Variants in CAMSAP2 observed in about 807,000 individuals in gnomAD.
The protein encoded by CAMSAP2 is calmodulin-regulated spectrin-associated protein 2.
A neutral mutation model predicts 146.1 loss-of-function variants in CAMSAP2; 26 were observed. The observed-to-expected ratio is 0.18, with a 90% CI of 0.13 to 0.25. The LOEUF is 0.25. Ranked by LOEUF, CAMSAP2 falls within the 10% of genes least tolerant of loss-of-function variation. CAMSAP2 has a pLI of 1.00. For synonymous variants in CAMSAP2, 499 were observed against 596.6 expected (o/e 0.84, Z 2.38); for missense variants, 1,381 against 1,759.3 (o/e 0.78, Z 3.85).
chr1:200,767,603 C>G (rs978995466), intron 2 of CAMSAP2, among the ~76,000 whole-genome samples: 1 of 151,282 alleles, frequency 6.6e-6, no homozygotes, highest in African/African-American at 2.4e-5. Flanking sequence ...AAAAAAAATC[C>G]TTTCCCTGTT....
intron 13 of CAMSAP2, 67 bp from the exon 14 acceptor site, chr1:200,854,750 T>C (rs1251860524): frequency 1.7e-6 from 2 of 1,150,558 alleles, no homozygotes; most frequent in African/African-American, 1.5e-5. Flanking sequence ...GACTCTTTGC[T>C]AGTTGCTCCT....
Position 200,848,748 on chromosome 1 carries a change from C to T in CAMSAP2, c.1979C>T (p.Ala660Val), listed in dbSNP as rs761280658. The change falls in exon 11 of 17, where the codon GCT becomes GTT. Residue 660 changes from alanine (A) to valine (V), a missense_variant. Around this residue, in one of 4 missense-constraint regions of CAMSAP2, gnomAD observed 447 missense variants for 462.2 expected, o/e 0.97. Transcript: ENST00000358823. ...YDIRTGNTRE[A>V]LSPCPSTVST... ...ATTCGAACTGGCAACACCAGGGAAGCTTTGAGTCCTTGTCCAAGTACTGTA... is the reference window on the plus strand; with the variant it reads ...ATTCGAACTGGCAACACCAGGGAAGTTTTGAGTCCTTGTCCAAGTACTGTA... The T allele has an allele frequency of 7.4e-6, 12 of 1,614,146 alleles. No homozygotes were observed. The highest frequency in any genetic ancestry group is 9.3e-6 in the Non-Finnish European group (11 of 1,179,980).
At chr1:200,811,031 C>G (rs543076303) in intron 3 of CAMSAP2, among the ~76,000 whole-genome samples, 1 of 152,354 alleles carries the variant, frequency 6.6e-6, no homozygotes, top group South Asian at 2.1e-4. Context: ...TCTTCTCTCT[C>G]TCTCCCATAC....
Position 200,857,498 on chromosome 1 carries a change from C to A in CAMSAP2, c.4131+74C>A. On this transcript the variant is annotated intron_variant, in intron 16 of 16. Transcript: ENST00000358823. This position sits in a 1 kb window ranked among gnomAD's most constrained non-coding sequence, Gnocchi z 4.7. ...TTATCCATTCAAGAGAATGTACTCT[C>A]ATGGGCCTAGACTTTCAACAGCATG... 9.8e-7 allele frequency: 1 copy of A among 1,023,698 alleles called. No individual in the cohort carries two copies. Among genetic ancestry groups the A allele is most frequent in the South Asian group, 1.3e-5 (1 of 75,834 alleles). 63.4% of individuals were successfully genotyped at this position (1,023,698 alleles called of 1,614,324 possible). A position where few individuals can be genotyped will look rare whatever the true frequency, so the allele number is the denominator to read the frequency against.
chr1:200,836,176 G>A (rs1289675907), intron 6 of CAMSAP2, among the ~76,000 whole-genome samples: 1 of 151,958 alleles, frequency 6.6e-6, no homozygotes, highest in African/African-American at 2.4e-5. Flanking sequence ...TGTCATGGGA[G>A]TTTGTGGTAC....
At position 200,848,068 on chromosome 1, in the gene CAMSAP2, T is replaced by G; in HGVS notation, c.1299T>G (p.Phe433Leu). Residue 433 changes from phenylalanine to leucine, a missense_variant, in exon 11 of 17, where the codon TTT becomes TTG. Physicochemically the swap from Phe to Leu is conservative, Grantham distance 22 (BLOSUM62 0). This residue lies in a region of CAMSAP2 where 447 missense variants were observed against 462.2 expected (regional missense o/e 0.97). Transcript: ENST00000358823. ...SVHGVSFDIS[F>L]DKEDSVQRST... ...ATGGCGTATCATTTGATATTTCTTT[T>G]GATAAAGAAGATAGTGTACAGAGAT... 6.4e-7 allele frequency: 1 copy of G among 1,558,624 alleles called. No individual in the cohort carries two copies. Among genetic ancestry groups the G allele is most frequent in the Non-Finnish European group, 8.6e-7 (1 of 1,156,140 alleles).
In CAMSAP2 at chr1:200,832,239, C is replaced by G; in HGVS notation, c.685C>G (p.Pro229Ala). 1 of 1,613,118 alleles carries G rather than the reference C, an allele frequency of 6.2e-7. No individual in the cohort carries two copies. Among genetic ancestry groups the G allele is most frequent in the Non-Finnish European group, 8.5e-7 (1 of 1,179,478 alleles). The change falls in exon 5 of 17, where the codon CCT (proline) becomes GCT (alanine). Residue 229 changes from proline to alanine, a missense_variant. By Grantham distance (27) the Pro-to-Ala change is conservative (BLOSUM62 -1). Transcript: ENST00000358823. This position sits in a 1 kb window ranked among gnomAD's most constrained non-coding sequence, Gnocchi z 4.2. ...RKEQTLLKQL[P>A]CIPLVENLLK... The stretch of plus-strand genomic sequence containing the variant: ...AGAGCAAACATTGCTTAAGCAACTG[C>G]CTTGCATTCCATTGGTAGAAAATTT...
intron 6 of CAMSAP2, among the ~76,000 whole-genome samples, chr1:200,841,537 C>T (rs575568921): frequency 1.6e-4 from 24 of 152,286 alleles, no homozygotes; most frequent in South Asian, 1.2e-3. Flanking sequence ...TGAGTCACCA[C>T]GCCCGGCCAA....
At chr1:200,827,676 T>TATATTATTTTTCTAA (rs6143568) in intron 4 of CAMSAP2, among the ~76,000 whole-genome samples, 1 of 151,290 alleles carries the variant, frequency 6.6e-6, no homozygotes, top group African/African-American at 2.4e-5. Flanking sequence ...ATACCTTATT[T>TATATTATTTTTCTAA]ATATTATTTT....
At chr1:200,807,305 A>G in intron 2 of CAMSAP2, 71 bp from the exon 3 acceptor site, 1 of 1,218,678 alleles carries the variant, frequency 8.2e-7, no homozygotes, top group Non-Finnish European at 1.1e-6. Context: ...TGTCATTAAC[A>G]TTTCAAAATA....
At chr1:200,787,422 C>T (rs1316526172) in intron 2 of CAMSAP2, among the ~76,000 whole-genome samples, 1 of 152,088 alleles carries the variant, frequency 6.6e-6, no homozygotes. Flanking sequence ...GAAGTATCTG[C>T]AGATGTGGTA....
At chr1:200,759,690 C>A (rs4382754) in intron 1 of CAMSAP2, among the ~76,000 whole-genome samples, 42,997 of 152,094 alleles carry the variant, frequency 0.28, 7,115 homozygotes, top group Non-Finnish European at 0.39. Flanking sequence ...GGCTTCAGAA[C>A]CTCACTTTCT....
chr1:200,749,094 G>A (rs1664426057), intron 1 of CAMSAP2, among the ~76,000 whole-genome samples: 1 of 152,164 alleles, frequency 6.6e-6, no homozygotes, highest in African/African-American at 2.4e-5. Context: ...AAAACACTTA[G>A]GATAGGATGC....
chr1:200,795,188 A>G (rs77464723), intron 2 of CAMSAP2, among the ~76,000 whole-genome samples: 427 of 152,316 alleles, frequency 2.8e-3, no homozygotes, highest in African/African-American at 9.5e-3. Context: ...GAATTTTAAT[A>G]TTATTTAAAT....
intron 7 of CAMSAP2, among the ~76,000 whole-genome samples, chr1:200,842,353 T>C (rs1000934760): frequency 1.6e-4 from 24 of 152,212 alleles, no homozygotes; most frequent in Admixed American, 6.5e-5. Context: ...CTTTTATCGT[T>C]ATCCCAGCTT....
At chr1:200,790,501 T>A (rs1367328627) in intron 2 of CAMSAP2, among the ~76,000 whole-genome samples, 1 of 152,188 alleles carries the variant, frequency 6.6e-6, no homozygotes, top group Non-Finnish European at 1.5e-5. Context: ...CCTGCAACAA[T>A]TCATCAGTTA....
chr1:200,833,103 T>A (rs1667087129), intron 6 of CAMSAP2, among the ~76,000 whole-genome samples: 1 of 151,984 alleles, frequency 6.6e-6, no homozygotes, highest in East Asian at 1.9e-4. Flanking sequence ...AAATAAACCA[T>A]AGAACAAGAT....
intron 3 of CAMSAP2, among the ~76,000 whole-genome samples, chr1:200,813,557 T>C (rs965670756): frequency 2.6e-5 from 4 of 152,226 alleles, no homozygotes; most frequent in African/African-American, 9.6e-5. Flanking sequence ...ACCTAGCCTC[T>C]TAATACAGTA....
chr1:200,819,197 T>A (rs1264342288), intron 4 of CAMSAP2, among the ~76,000 whole-genome samples: 1 of 152,218 alleles, frequency 6.6e-6, no homozygotes, highest in East Asian at 1.9e-4. Flanking sequence ...TTGGGTGGTG[T>A]CCTAAGAGAA....
Sources: gnomAD v4.1 joint callset for allele counts (sites outside exome capture counted in the v4.1 genomes callset) on GRCh38, gnomAD v4.1.1 for gene constraint, gnomAD v4.1.1 regional missense constraint, Gnocchi (gnomAD v3.1) non-coding constraint, MANE v1.5 for transcripts, NCBI Gene and HGNC (gene_info 2026-07-23, HGNC 2026-07-21) for gene names.